SORCS2: variants seen among roughly 807,000 people sequenced by gnomAD.
The protein encoded by SORCS2 is sortilin related VPS10 domain containing receptor 2.
A neutral mutation model predicts 141.6 loss-of-function variants in SORCS2; 100 were observed. That is an observed-to-expected ratio of 0.71 (90% CI 0.60 to 0.83). The LOEUF is 0.83. Ranked by LOEUF, SORCS2 falls within the 40% of genes least tolerant of loss-of-function variation. The pLI is 0.00. For missense variants in SORCS2, 1,646 were observed against 1,560.2 expected (o/e 1.05, Z -0.93); for synonymous variants, 789 against 676.9 (o/e 1.17, Z -2.57).
chr4:7,687,147 C>T (rs1424400693), intron 10 of SORCS2, among the ~76,000 whole-genome samples: 1 of 152,216 alleles, frequency 6.6e-6, no homozygotes, highest in Non-Finnish European at 1.5e-5. Flanking sequence ...CTCTGGCCTT[C>T]TAGGAAACCT....
intron 1 of SORCS2, among the ~76,000 whole-genome samples, chr4:7,387,768 A>G: frequency 1.0e-5 from 1 of 100,444 alleles, no homozygotes; most frequent in South Asian, 2.6e-4. Context: ...AGAAATACAC[A>G]CATGCACACA....
intron 9 of SORCS2, among the ~76,000 whole-genome samples, chr4:7,677,703 T>C (rs915066619): frequency 3.9e-5 from 6 of 152,172 alleles, no homozygotes; most frequent in African/African-American, 1.4e-4. Context: ...GCAGCAGAAC[T>C]GTGGTCCCCA....
At chr4:7,674,256 T>C (rs1048669491) in intron 8 of SORCS2, among the ~76,000 whole-genome samples, 2 of 152,066 alleles carry the variant, frequency 1.3e-5, no homozygotes, top group African/African-American at 4.8e-5. Context: ...TGGGGTCCTC[T>C]CTGCCTGTGG....
At chr4:7,728,282 C>A in intron 21 of SORCS2, 68 bp from the exon 22 acceptor site, 6 of 1,215,944 alleles carry the variant, frequency 4.9e-6, no homozygotes, top group Non-Finnish European at 7.1e-6. Context: ...GCCCCCGACC[C>A]CCACCCTGGA....
intron 1 of SORCS2, among the ~76,000 whole-genome samples, chr4:7,327,629 A>C (rs1719357143): frequency 6.6e-6 from 1 of 152,036 alleles, no homozygotes; most frequent in Admixed American, 6.5e-5. Context: ...TCCTGTGCTC[A>C]TGCTTTCTGG....
intron 2 of SORCS2, among the ~76,000 whole-genome samples, chr4:7,510,759 A>T (rs1732590327): frequency 6.6e-6 from 1 of 152,232 alleles, no homozygotes; most frequent in Non-Finnish European, 1.5e-5. Flanking sequence ...CTTCCCAGAT[A>T]CCCGCATGGA....
intron 3 of SORCS2, among the ~76,000 whole-genome samples, chr4:7,586,836 A>G (rs779563610): frequency 1.3e-5 from 2 of 151,984 alleles, no homozygotes; most frequent in Non-Finnish European, 2.9e-5. Flanking sequence ...ATCTTCTTAT[A>G]TACTCCTCGG....
At chr4:7,575,179 A>C (rs146526543) in intron 3 of SORCS2, among the ~76,000 whole-genome samples, 2 of 152,220 alleles carry the variant, frequency 1.3e-5, no homozygotes, top group African/African-American at 4.8e-5. Flanking sequence ...CTCTCCTCCT[A>C]CTTCACCCAT....
intron 1 of SORCS2, among the ~76,000 whole-genome samples, chr4:7,371,798 T>C (rs1267523644): frequency 1.3e-5 from 2 of 152,348 alleles, no homozygotes; most frequent in African/African-American, 4.8e-5. Flanking sequence ...CCTCAGTAGC[T>C]GCACGCCCAG....
At chr4:7,344,953 T>A (rs1158142183) in intron 1 of SORCS2, among the ~76,000 whole-genome samples, 2 of 151,898 alleles carry the variant, frequency 1.3e-5, no homozygotes, top group Admixed American at 1.3e-4. Flanking sequence ...CCAGTCTCAT[T>A]CTCCAGGCCC....
intron 9 of SORCS2, among the ~76,000 whole-genome samples, chr4:7,680,006 C>T (rs1293403676): frequency 6.6e-6 from 1 of 152,216 alleles, no homozygotes; most frequent in Admixed American, 6.5e-5. Context: ...CTGAGGACAG[C>T]AGAAAGGCAT....
intron 4 of SORCS2, 92 bp from the exon 5 acceptor site, chr4:7,654,042 G>A (rs1721599506): frequency 8.4e-7 from 1 of 1,183,820 alleles, no homozygotes; most frequent in African/African-American, 1.5e-5. Flanking sequence ...TTCTCCTGGG[G>A]GATCTGCTGT....
At chr4:7,525,979 C>T (rs548602141) in intron 2 of SORCS2, among the ~76,000 whole-genome samples, 3 of 140,788 alleles carry the variant, frequency 2.1e-5, no homozygotes, top group South Asian at 2.4e-4. Flanking sequence ...CCTGTCCCCT[C>T]CTCACACCTG....
chr4:7,436,779 A>G (rs74992530), intron 2 of SORCS2, among the ~76,000 whole-genome samples: 48,307 of 152,090 alleles, frequency 0.32, 8,038 homozygotes, highest in Non-Finnish European at 0.34. Flanking sequence ...CTTTGGAACA[A>G]TTCCACTTGG....
intron 2 of SORCS2, among the ~76,000 whole-genome samples, chr4:7,454,556 G>A (rs1728737500): frequency 1.5e-5 from 2 of 130,400 alleles, no homozygotes; most frequent in Admixed American, 7.6e-5. Flanking sequence ...GTCAGGCACT[G>A]TGTTGGGGTC....
intron 1 of SORCS2, among the ~76,000 whole-genome samples, chr4:7,241,980 C>T (rs1488129262): frequency 1.3e-5 from 2 of 152,158 alleles, no homozygotes; most frequent in African/African-American, 4.8e-5. Context: ...CTGAGTGCAG[C>T]TTGACTGTTG....
intron 1 of SORCS2, among the ~76,000 whole-genome samples, chr4:7,375,401 G>C (rs1402991618): frequency 6.6e-6 from 1 of 152,234 alleles, no homozygotes; most frequent in Non-Finnish European, 1.5e-5. Context: ...CCCGTGTTGG[G>C]TGAGAGATCT....
At chr4:7,558,731 G>A (rs1714313725) in intron 3 of SORCS2, among the ~76,000 whole-genome samples, 1 of 152,160 alleles carries the variant, frequency 6.6e-6, no homozygotes, top group Admixed American at 6.5e-5. Context: ...CCTACCCCAG[G>A]GGGCTTTTGG....
intron 2 of SORCS2, among the ~76,000 whole-genome samples, chr4:7,458,551 T>G (rs1196196704): frequency 6.6e-6 from 1 of 152,216 alleles, no homozygotes; most frequent in Admixed American, 6.5e-5. Context: ...AGACTTCATT[T>G]TGGACAAAAC....
Sources: allele counts gnomAD v4.1 joint callset (sites outside exome capture counted in the v4.1 genomes callset), GRCh38; gene constraint gnomAD v4.1.1; transcripts MANE v1.5; gene names NCBI Gene and HGNC (gene_info 2026-07-23, HGNC 2026-07-21).